Variants in UBE4B observed in about 807,000 individuals in gnomAD.
UBE4B encodes the protein ubiquitination factor E4B.
Under a neutral mutation model 148.1 loss-of-function variants are expected in UBE4B, and 27 were observed. The ratio of observed to expected loss-of-function variants is 0.18; its 90% CI spans 0.13 to 0.25. The LOEUF is 0.25. Among genes scored for constraint, UBE4B ranks in the 10% least tolerant of loss-of-function variants. UBE4B has a pLI of 1.00. For synonymous variants in UBE4B, 596 were observed against 619.3 expected (o/e 0.96, Z 0.56); for missense variants, 1,170 against 1,662.4 (o/e 0.70, Z 5.15).
intron 24 of UBE4B, among the ~76,000 whole-genome samples, chr1:10,169,817 C>G (rs143104848): frequency 6.6e-6 from 1 of 152,256 alleles, no homozygotes; most frequent in African/African-American, 2.4e-5. Flanking sequence ...GAGTTCCAGA[C>G]CAGCCTGGCC....
Position 10,168,068 on chromosome 1 carries a change from T to C in UBE4B, c.3199-68T>C. On this transcript the variant is annotated intron_variant, in intron 23 of 27. Transcript: ENST00000343090. This position sits in a 1 kb window ranked among gnomAD's most constrained non-coding sequence, Gnocchi z 4.9. ...GTTTATCACGCACTTTCCAGTTATG[T>C]GCTTGGCGCTTTGCTGAGCTGATGA... 11 of 1,538,026 alleles carry C rather than the reference T, an allele frequency of 7.2e-6. No homozygotes were observed. The highest frequency in any genetic ancestry group is 9.7e-6 in the Non-Finnish European group (11 of 1,139,852).
intron 2 of UBE4B, among the ~76,000 whole-genome samples, chr1:10,074,785 T>C (rs1198811755): frequency 9.9e-5 from 15 of 152,258 alleles, no homozygotes; most frequent in Admixed American, 9.8e-4. Flanking sequence ...AAGGGCTCAA[T>C]ATTTAACCTC....
At chr1:10,158,565 G>T in intron 22 of UBE4B, 83 bp downstream of exon 22, 1 of 1,527,758 alleles carries the variant, frequency 6.5e-7, no homozygotes, top group Non-Finnish European at 8.8e-7. Context: ...GCACAGCTGG[G>T]TTCTTGTTGA....
chr1:10,119,523 A>G lies in UBE4B; in HGVS notation c.1349A>G (p.Gln450Arg). Residue 450 changes from glutamine (Q) to arginine (R), a missense_variant, in exon 9 of 28, where the codon CAG becomes CGG. Transcript: ENST00000343090. Reference sequence around the variant, plus strand: ...ACCTTTCCTTTTCAGATGTGCAGCCAGCCAGCAGTCAGCCAGCTTCTGAGC... The same window carrying G: ...ACCTTTCCTTTTCAGATGTGCAGCCGGCCAGCAGTCAGCCAGCTTCTGAGC... ...EEKKAPKMCS[Q>R]PAVSQLLSNI... The G allele has an allele frequency of 6.2e-7, 1 of 1,613,740 alleles. No individual in the cohort carries two copies. The highest frequency in any genetic ancestry group is 8.5e-7 in the Non-Finnish European group (1 of 1,179,708).
At chr1:10,102,846 T>C in intron 4 of UBE4B, 102 bp from the exon 5 acceptor site, 14 of 1,254,578 alleles carry the variant, frequency 1.1e-5, no homozygotes, top group South Asian at 1.7e-5. Context: ...TTTTAAAATA[T>C]CATCACTAAT....
intron 6 of UBE4B, 96 bp downstream of exon 6, chr1:10,105,840 A>G: frequency 8.1e-7 from 1 of 1,236,036 alleles, no homozygotes; most frequent in Non-Finnish European, 1.1e-6. Flanking sequence ...AATCAGTGTC[A>G]TACAGGGTAT....
Position 10,180,089 on chromosome 1 carries a change from C to T in UBE4B, c.*133C>T, listed in dbSNP as rs1404830927. ...AAACCAACCCCAGGCCCACCCAGAGCGAGCAAACGCTGAGACCTGAAAGGA... is the reference window on the plus strand; with the variant it reads ...AAACCAACCCCAGGCCCACCCAGAGTGAGCAAACGCTGAGACCTGAAAGGA... On this transcript the variant is annotated 3_prime_UTR_variant, in exon 28 of 28. Transcript: ENST00000343090. The T allele has an allele frequency of 1.0e-5, 11 of 1,059,586 alleles. No individual in the cohort carries two copies. Among genetic ancestry groups the T allele is most frequent in the Middle Eastern group, 6.0e-4 (2 of 3,322 alleles). 65.6% of individuals were successfully genotyped at this position (1,059,586 alleles called of 1,614,324 possible). A position where few individuals can be genotyped will look rare whatever the true frequency, so the allele number is the denominator to read the frequency against.
intron 1 of UBE4B, 97 bp from the exon 2 acceptor site, chr1:10,071,931 T>A: frequency 8.0e-7 from 1 of 1,246,342 alleles, no homozygotes; most frequent in Admixed American, 3.1e-5. Context: ...CATATTGAGT[T>A]GTTAAACTCT....
intron 7 of UBE4B, chr1:10,107,365 T>C (rs1645131848): frequency 7.8e-7 from 1 of 1,288,454 alleles, no homozygotes; most frequent in African/African-American, 1.5e-5. Flanking sequence ...TGTGTCCAGT[T>C]TGGGTCCAGG....
chr1:10,165,605 A>G (rs1039013912), intron 23 of UBE4B, among the ~76,000 whole-genome samples: 1 of 152,044 alleles, frequency 6.6e-6, no homozygotes, highest in Non-Finnish European at 1.5e-5. Flanking sequence ...TCAGCTTTGG[A>G]CAGTCTCTTC....
rs928629674 is a variant in UBE4B at position 10,070,584 on chromosome 1, A to G, written c.25-1444A>G. On this transcript the variant is annotated intron_variant, in intron 1 of 27. Coordinates refer to ENST00000343090, the MANE Select transcript of UBE4B (RefSeq NM_001105562.3). ...TTAGTTTTTCTTATTTTCAAATTTT[A>G]TAGAAATGGAATCATCCACTCTGTT... Among the ~76,000 whole-genome samples, 15 of 151,948 alleles carry G rather than the reference A, an allele frequency of 9.9e-5. No homozygotes were observed. The South Asian group carries it at 2.3e-3, about 23-fold the overall frequency.
At chr1:10,124,477 A>G (rs1204209429) in intron 10 of UBE4B, among the ~76,000 whole-genome samples, 1 of 152,150 alleles carries the variant, frequency 6.6e-6, no homozygotes, top group Non-Finnish European at 1.5e-5. Context: ...TGTGAACCAC[A>G]GCGCCTGGCC....
intron 1 of UBE4B, among the ~76,000 whole-genome samples, chr1:10,044,277 A>C (rs1313463949): frequency 6.7e-6 from 1 of 150,182 alleles, no homozygotes; most frequent in Admixed American, 6.6e-5. Context: ...CTGATCTTGA[A>C]CTCCTGACCT....
At chr1:10,121,534 C>T (rs1364325360) in intron 9 of UBE4B, among the ~76,000 whole-genome samples, 1 of 152,072 alleles carries the variant, frequency 6.6e-6, no homozygotes, top group Non-Finnish European at 1.5e-5. Flanking sequence ...GCCAGGACTC[C>T]AGGCACACAC....
At chr1:10,081,846 C>A (rs1307615449) in intron 2 of UBE4B, among the ~76,000 whole-genome samples, 1 of 152,052 alleles carries the variant, frequency 6.6e-6, no homozygotes, top group South Asian at 2.1e-4. Flanking sequence ...GCTTCGGCCT[C>A]CCAAAGTGCT....
At chr1:10,088,346 C>T (rs1304700013) in intron 2 of UBE4B, among the ~76,000 whole-genome samples, 2 of 152,084 alleles carry the variant, frequency 1.3e-5, no homozygotes, top group African/African-American at 4.8e-5. Flanking sequence ...TCTTCACAGA[C>T]TTGAAATGTC....
At chr1:10,035,098 ACACC>A (rs1643453259) in intron 1 of UBE4B, among the ~76,000 whole-genome samples, 2 of 151,690 alleles carry the variant, frequency 1.3e-5, no homozygotes, top group South Asian at 4.2e-4. Context: ...TCCCGGGTTC[ACACC>A]ATTCTCCTGC....
At chr1:10,071,488 C>T (rs568359924) in intron 1 of UBE4B, among the ~76,000 whole-genome samples, 34 of 152,060 alleles carry the variant, frequency 2.2e-4, no homozygotes, top group African/African-American at 7.2e-4. Flanking sequence ...CTTAGGAGGC[C>T]GAGGTGGGAA....
At chr1:10,055,656 A>G (rs769944570) in intron 1 of UBE4B, among the ~76,000 whole-genome samples, 1 of 152,176 alleles carries the variant, frequency 6.6e-6, no homozygotes, top group Non-Finnish European at 1.5e-5. Flanking sequence ...GCAGTGGCTC[A>G]TGCCTGTAAT....
Sources: gnomAD v4.1 joint callset for allele counts (sites outside exome capture counted in the v4.1 genomes callset) on GRCh38, gnomAD v4.1.1 for gene constraint, Gnocchi (gnomAD v3.1) non-coding constraint, MANE v1.5 for transcripts, NCBI Gene and HGNC (gene_info 2026-07-23, HGNC 2026-07-21) for gene names.